The following BCAR3 variants were observed in gnomAD, a reference collection of about 807,000 sequenced individuals.
The protein encoded by BCAR3 is breast cancer anti-estrogen resistance protein 3.
Under a neutral mutation model 80.1 loss-of-function variants are expected in BCAR3, and 37 were observed. That is an observed-to-expected ratio of 0.46 (90% CI 0.36 to 0.61). The LOEUF is 0.61. Ranked by LOEUF, BCAR3 falls within the 20% of genes least tolerant of loss-of-function variation. The pLI is 0.00. For synonymous variants in BCAR3, 389 were observed against 418.9 expected, an observed-to-expected ratio of 0.93 and a Z score of 0.87; for missense variants, 978 against 1,068.2, an observed-to-expected ratio of 0.92 and a Z score of 1.18.
intron 3 of BCAR3, among the ~76,000 whole-genome samples, chr1:93,632,126 TC>T (rs1311680846): frequency 6.6e-6 from 1 of 152,152 alleles, no homozygotes; most frequent in Non-Finnish European, 1.5e-5. Flanking sequence ...TGCGTCCAAA[TC>T]CTGCACAGTG....
chr1:93,589,932 G>A (rs1218202983), intron 4 of BCAR3, among the ~76,000 whole-genome samples: 1 of 152,158 alleles, frequency 6.6e-6, no homozygotes, highest in Non-Finnish European at 1.5e-5. Flanking sequence ...TGCCTGGCAG[G>A]CCTGATTTTC....
chr1:93,706,832 T>C (rs1458326545), intron 2 of BCAR3, among the ~76,000 whole-genome samples: 1 of 152,226 alleles, frequency 6.6e-6, no homozygotes, highest in Non-Finnish European at 1.5e-5. Flanking sequence ...TATAGCAACA[T>C]GGGAATCCAT....
At chr1:93,653,356 G>A (rs745431296) in intron 2 of BCAR3, among the ~76,000 whole-genome samples, 5 of 152,178 alleles carry the variant, frequency 3.3e-5, no homozygotes, top group African/African-American at 9.7e-5. Flanking sequence ...TAAGCTCCAC[G>A]CACACTAGCA....
At chr1:93,689,365 T>TA (rs974737906) in intron 3 of BCAR3, among the ~76,000 whole-genome samples, 8 of 151,538 alleles carry the variant, frequency 5.3e-5, no homozygotes, top group African/African-American at 1.7e-4. Flanking sequence ...GCACATATAC[T>TA]AAAAAAAATA....
intron 7 of BCAR3, among the ~76,000 whole-genome samples, chr1:93,576,824 T>C (rs1258339474): frequency 6.6e-6 from 1 of 152,204 alleles, no homozygotes; most frequent in Non-Finnish European, 1.5e-5. Context: ...TACAATGTCA[T>C]GGAGAAGTGT....
upstream of BCAR3, among the ~76,000 whole-genome samples, chr1:93,682,802 C>A (rs1648847698): frequency 6.6e-6 from 1 of 152,178 alleles, no homozygotes; most frequent in Non-Finnish European, 1.5e-5. Context: ...ATCCACCCAC[C>A]TCGGCCTCCC....
intron 2 of BCAR3, among the ~76,000 whole-genome samples, chr1:93,708,718 ACAT>A (rs1308470870): frequency 6.6e-6 from 1 of 152,154 alleles, no homozygotes; most frequent in Non-Finnish European, 1.5e-5. Flanking sequence ...ATTCACCACC[ACAT>A]CATATCTACA....
At chr1:93,662,316 T>C (rs1647698338) in intron 2 of BCAR3, among the ~76,000 whole-genome samples, 1 of 152,214 alleles carries the variant, frequency 6.6e-6, no homozygotes. Flanking sequence ...GATCTTGAAA[T>C]ATTTTTCGTG....
At chr1:93,715,398 A>G (rs918926468) in intron 2 of BCAR3, among the ~76,000 whole-genome samples, 2 of 152,184 alleles carry the variant, frequency 1.3e-5, no homozygotes, top group Non-Finnish European at 2.9e-5. Context: ...ATTTTCATCT[A>G]CCCCTTTGCA....
chr1:93,624,279 CCCTTATTG>C (rs1335417213), intron 3 of BCAR3, among the ~76,000 whole-genome samples: 1 of 152,218 alleles, frequency 6.6e-6, no homozygotes, highest in East Asian at 1.9e-4. Context: ...CTGAGACATC[CCCTTATTG>C]AGGCCAGGTG....
chr1:93,743,629 A>G lies in BCAR3; in HGVS notation c.-62-37487T>C, dbSNP rs960599794. ...ACCTGTCTAATTTGGATCTAAGCAC[A>G]TGGTGTTTTCCCAGGTTAACTCTGT... On this transcript the variant is annotated intron_variant, in intron 2 of 13. Transcript: ENST00000370244. Among the ~76,000 whole-genome samples the G allele has an allele frequency of 3.9e-5, 6 of 152,338 alleles. 1 individual carries two copies. In the South Asian group the frequency reaches 1.2e-3, roughly 32 times the overall value.
At chr1:93,616,597 A>G (rs1322733686) in intron 3 of BCAR3, among the ~76,000 whole-genome samples, 3 of 152,202 alleles carry the variant, frequency 2.0e-5, no homozygotes, top group Non-Finnish European at 4.4e-5. Flanking sequence ...TAGAAACACA[A>G]ATAGATTTTT....
At chr1:93,828,757 C>T (rs1300715512) in intron 2 of BCAR3, among the ~76,000 whole-genome samples, 2 of 152,106 alleles carry the variant, frequency 1.3e-5, no homozygotes, top group South Asian at 2.1e-4. Context: ...TGCAGTGGCA[C>T]GATCTCAGCT....
In BCAR3 at chr1:93,567,345, C is replaced by T. The variant is rs200578746; in HGVS notation, c.2233G>A (p.Ala745Thr). The T allele has an allele frequency of 4.3e-6, 7 of 1,614,140 alleles. No homozygotes were observed. The Admixed American group carries it at 8.3e-5, about 19-fold the overall frequency. Reference sequence around the variant, plus strand: ...GCCTCGGCCATGAATCGCGCTGTTGCCAAATGGTTCAGCATGATTTCACAG... The same window carrying T: ...GCCTCGGCCATGAATCGCGCTGTTGTCAAATGGTTCAGCATGATTTCACAG... ...QSCEIMLNHL[A>T]TARFMAEAAD... Residue 745 changes from alanine to threonine, a missense_variant, in exon 11 of 12, where the codon GCA becomes ACA. Ala to Thr is a moderately conservative substitution (Grantham distance 58). Transcript: ENST00000260502.
intron 2 of BCAR3, among the ~76,000 whole-genome samples, chr1:93,804,397 G>A (rs1209610352): frequency 6.6e-6 from 1 of 152,096 alleles, no homozygotes; most frequent in African/African-American, 2.4e-5. Context: ...ATAACTAACA[G>A]TAAAATAGAA....
At chr1:93,645,865 G>A (rs953496874) in intron 2 of BCAR3, among the ~76,000 whole-genome samples, 4 of 151,294 alleles carry the variant, frequency 2.6e-5, no homozygotes, top group Non-Finnish European at 5.9e-5. Context: ...TTTTGCTATC[G>A]GATCTTCACC....
chr1:93,571,643 G>A (rs1240131561), intron 9 of BCAR3, 27 bp downstream of exon 9: 7 of 1,612,132 alleles, frequency 4.3e-6, no homozygotes, highest in Non-Finnish European at 5.9e-6. Context: ...AGAACATTAA[G>A]TACACATAAA....
chr1:93,842,077 G>GT (rs1654982620), intron 2 of BCAR3, among the ~76,000 whole-genome samples: 1 of 151,242 alleles, frequency 6.6e-6, no homozygotes, highest in African/African-American at 2.4e-5. Context: ...CTGAAGTCCC[G>GT]TATCACCACA....
chr1:93,648,700 G>A (rs1676225841), intron 2 of BCAR3: 1 of 152,158 alleles, frequency 6.6e-6, no homozygotes, highest in Non-Finnish European at 1.5e-5. Context: ...CAAAACTGAG[G>A]ACCAGCTATT....
Sources: allele counts gnomAD v4.1 joint callset (sites outside exome capture counted in the v4.1 genomes callset), GRCh38; gene constraint gnomAD v4.1.1; transcripts MANE v1.5; gene names NCBI Gene and HGNC (gene_info 2026-07-23, HGNC 2026-07-21).